QTMAN: variants seen among roughly 807,000 people sequenced by gnomAD.
QTMAN encodes queuosine-tRNA mannosyltransferase.
the QTMAN span, among the ~76,000 whole-genome samples, chr2:144,120,264 T>A: frequency 6.6e-6 from 1 of 152,198 alleles, no homozygotes; most frequent in Non-Finnish European, 1.5e-5. Context: ...TTGCTGAGCC[T>A]TCCATACCTA....
chr2:144,091,848 A>AT, the QTMAN span, among the ~76,000 whole-genome samples: 2 of 152,234 alleles, frequency 1.3e-5, no homozygotes, highest in African/African-American at 4.8e-5. Flanking sequence ...CTAATCAGCA[A>AT]TAAAAAAAAG....
At chr2:144,092,465 A>G in the QTMAN span, among the ~76,000 whole-genome samples, 10 of 152,160 alleles carry the variant, frequency 6.6e-5, no homozygotes, top group Admixed American at 6.5e-4. Flanking sequence ...ATGAGCCACC[A>G]CGCCTGGCCA....
the QTMAN span, among the ~76,000 whole-genome samples, chr2:143,977,442 C>T: frequency 6.6e-6 from 1 of 152,114 alleles, no homozygotes; most frequent in African/African-American, 2.4e-5. Context: ...CTGAGAGTCC[C>T]AGAGGCCATG....
At chr2:144,235,059 A>G in the QTMAN span, among the ~76,000 whole-genome samples, 1 of 152,156 alleles carries the variant, frequency 6.6e-6, no homozygotes, top group African/African-American at 2.4e-5. Flanking sequence ...CGCCTTTTAT[A>G]TTTCTTTTTT....
chr2:144,312,806 C>G, the QTMAN span, among the ~76,000 whole-genome samples: 1 of 152,182 alleles, frequency 6.6e-6, no homozygotes, highest in Non-Finnish European at 1.5e-5. Flanking sequence ...GCAAGTTCCT[C>G]CTTCACTCAC....
At chr2:144,250,135 TG>T in the QTMAN span, among the ~76,000 whole-genome samples, 13,928 of 144,168 alleles carry the variant, frequency 0.097, 1,485 homozygotes, top group African/African-American at 0.27. Flanking sequence ...TTTTTTTTTT[TG>T]TTTGTTTTTG....
chr2:144,225,887 T>G, the QTMAN span, among the ~76,000 whole-genome samples: 1 of 152,198 alleles, frequency 6.6e-6, no homozygotes, highest in Non-Finnish European at 1.5e-5. Flanking sequence ...CAATCAGATC[T>G]CAATTCCTTG....
At chr2:143,974,602 T>C in the QTMAN span, among the ~76,000 whole-genome samples, 1 of 152,190 alleles carries the variant, frequency 6.6e-6, no homozygotes, top group Non-Finnish European at 1.5e-5. Flanking sequence ...GTGTAATCTG[T>C]TTTTCTAAGA....
the QTMAN span, among the ~76,000 whole-genome samples, chr2:144,273,396 G>A: frequency 6.6e-6 from 1 of 152,124 alleles, no homozygotes; most frequent in African/African-American, 2.4e-5. Context: ...TACAAAAGGG[G>A]TATGACAATT....
chr2:144,124,092 C>T, the QTMAN span, among the ~76,000 whole-genome samples: 1 of 152,198 alleles, frequency 6.6e-6, no homozygotes, highest in East Asian at 1.9e-4. Flanking sequence ...GACAGAAGAA[C>T]ATACAAATTA....
the QTMAN span, among the ~76,000 whole-genome samples, chr2:144,009,089 T>C: frequency 6.6e-6 from 1 of 151,800 alleles, no homozygotes; most frequent in South Asian, 2.1e-4. Flanking sequence ...TCTTATAAGA[T>C]GGAAGGAGAA....
chr2:143,969,040 C>T, the QTMAN span, among the ~76,000 whole-genome samples: 1 of 152,088 alleles, frequency 6.6e-6, no homozygotes, highest in East Asian at 1.9e-4. Flanking sequence ...TGGGCCCTAC[C>T]CTACCTGTGT....
chr2:144,116,053 A>G, the QTMAN span, among the ~76,000 whole-genome samples: 1 of 152,168 alleles, frequency 6.6e-6, no homozygotes, highest in Non-Finnish European at 1.5e-5. Context: ...AGAGTGAGTA[A>G]TAAGTTGTAT....
the QTMAN span, among the ~76,000 whole-genome samples, chr2:143,949,124 G>A: frequency 7.2e-5 from 11 of 151,962 alleles, no homozygotes; most frequent in Non-Finnish European, 1.2e-4. Context: ...GTGTGTGTGT[G>A]TGTGTGTATA....
the QTMAN span, among the ~76,000 whole-genome samples, chr2:144,188,532 T>C: frequency 6.6e-6 from 1 of 151,700 alleles, no homozygotes; most frequent in East Asian, 1.9e-4. Flanking sequence ...GATGGATGGA[T>C]GGATGGATGG....
chr2:144,224,376 A>G, the QTMAN span, among the ~76,000 whole-genome samples: 13 of 152,312 alleles, frequency 8.5e-5, no homozygotes, highest in African/African-American at 3.1e-4. Flanking sequence ...TATTGTGCCT[A>G]CTAAGTGTCT....
At chr2:143,970,804 G>A in the QTMAN span, 62 of 1,087,180 alleles carry the variant, frequency 5.7e-5, no homozygotes, top group Middle Eastern at 5.9e-4. Flanking sequence ...TTACCTTAGG[G>A]CATGTGTTAG....
At chr2:144,241,422 G>A in the QTMAN span, among the ~76,000 whole-genome samples, 1 of 152,148 alleles carries the variant, frequency 6.6e-6, no homozygotes, top group Non-Finnish European at 1.5e-5. Flanking sequence ...AACGTCGAAT[G>A]TGTGCCAGGG....
chr2:144,274,040 A>G, the QTMAN span, among the ~76,000 whole-genome samples: 1 of 152,180 alleles, frequency 6.6e-6, no homozygotes, highest in Non-Finnish European at 1.5e-5. Flanking sequence ...AGGCTGAGGC[A>G]GGAGAATCGC....
Sources: allele counts gnomAD v4.1 joint callset (sites outside exome capture counted in the v4.1 genomes callset), GRCh38; gene constraint gnomAD v4.1.1; transcripts MANE v1.5; gene names NCBI Gene and HGNC (gene_info 2026-07-23, HGNC 2026-07-21).